Variants in DAPP1 observed in about 807,000 individuals in gnomAD.
DAPP1 encodes the protein dual adapter for phosphotyrosine and 3-phosphotyrosine and 3-phosphoinositide.
Under a neutral mutation model 41.5 loss-of-function variants are expected in DAPP1, and 20 were observed. The ratio of observed to expected loss-of-function variants is 0.48; its 90% CI spans 0.34 to 0.70. The LOEUF (loss-of-function observed/expected upper bound fraction) is 0.70, where lower values mean the gene tolerates loss of function less well. DAPP1 is among the 30% of genes least tolerant of loss of function. The probability of loss-of-function intolerance (pLI) is 0.01; values close to 1 mark genes in which losing one functional copy is unlikely to be tolerated. For synonymous variants in DAPP1, 113 were observed against 116.2 expected (o/e 0.97, Z 0.18); for missense variants, 233 against 333.4 (o/e 0.70, Z 2.35).
intron 6 of DAPP1, 146 bp from the exon 7 acceptor site, chr4:99,863,624 C>G: frequency 1.6e-6 from 1 of 628,788 alleles, no homozygotes; most frequent in Non-Finnish European, 2.7e-6. Flanking sequence ...CTTGGTAGGG[C>G]TTTTCTATTG....
At chr4:99,832,507 G>T (rs1055281436) in intron 1 of DAPP1, among the ~76,000 whole-genome samples, 6 of 152,168 alleles carry the variant, frequency 3.9e-5, no homozygotes, top group Non-Finnish European at 8.8e-5. Context: ...GTAGGTGGCT[G>T]CCTGGAAAGC....
intron 8 of DAPP1, among the ~76,000 whole-genome samples, chr4:99,866,884 C>G (rs1724482531): frequency 6.8e-6 from 1 of 146,898 alleles, no homozygotes; most frequent in Non-Finnish European, 1.5e-5. Flanking sequence ...ACTTTCATGT[C>G]TCAGCCTCCC....
chr4:99,822,192 A>G (rs1722795638), intron 1 of DAPP1, among the ~76,000 whole-genome samples: 1 of 152,170 alleles, frequency 6.6e-6, no homozygotes, highest in South Asian at 2.1e-4. Flanking sequence ...ACTTCCTTCT[A>G]CTTACAAGTG....
intron 2 of DAPP1, among the ~76,000 whole-genome samples, chr4:99,838,264 T>C (rs1723370183): frequency 6.6e-6 from 1 of 152,200 alleles, no homozygotes; most frequent in South Asian, 2.1e-4. Flanking sequence ...TTATTGATTT[T>C]CATTGCAAGC....
Position 99,869,421 on chromosome 4 carries a change from G to C in DAPP1, c.*1236G>C, listed in dbSNP as rs1049414326. ...AGATAAAAATGCTTGAAGAGCCTGAGAGTAAAAAGATTATGCTGCAAAGCT... is the reference window on the plus strand; with the variant it reads ...AGATAAAAATGCTTGAAGAGCCTGACAGTAAAAAGATTATGCTGCAAAGCT... On this transcript the variant is annotated 3_prime_UTR_variant, in exon 9 of 9. Coordinates refer to ENST00000512369, the MANE Select transcript of DAPP1 (RefSeq NM_014395.3). The C allele has an allele frequency of 1.3e-5, 2 of 152,136 alleles. No individual in the cohort carries two copies. The highest frequency in any genetic ancestry group is 4.8e-5 in the African/African-American group (2 of 41,416). The allele number at this position is 152,136 out of a possible 1,614,324, so 9.4% of individuals were successfully genotyped here.
intron 1 of DAPP1, among the ~76,000 whole-genome samples, chr4:99,820,412 A>T (rs1473750057): frequency 9.6e-6 from 1 of 103,798 alleles, no homozygotes; most frequent in Non-Finnish European, 2.0e-5. Flanking sequence ...ACACAAAAGA[A>T]ATAACAAAAT....
At chr4:99,860,834 C>G (rs1025054459) in intron 4 of DAPP1, among the ~76,000 whole-genome samples, 1 of 152,308 alleles carries the variant, frequency 6.6e-6, no homozygotes, top group East Asian at 1.9e-4. Flanking sequence ...TGATAAATTT[C>G]TTGATGTTAA....
chr4:99,835,767 C>A (rs147874376), intron 2 of DAPP1, 22 bp downstream of exon 2: 2 of 1,610,334 alleles, frequency 1.2e-6, no homozygotes, highest in Non-Finnish European at 1.7e-6. Flanking sequence ...CAGGGCTCTA[C>A]GACTTCAGCA....
intron 3 of DAPP1, among the ~76,000 whole-genome samples, chr4:99,845,704 C>A (rs1333230010): frequency 6.6e-6 from 1 of 152,062 alleles, no homozygotes; most frequent in Non-Finnish European, 1.5e-5. Context: ...TTGTTATTCC[C>A]ATTTTATTTA....
At chr4:99,827,400 G>T (rs944351581) in intron 1 of DAPP1, among the ~76,000 whole-genome samples, 6 of 151,928 alleles carry the variant, frequency 3.9e-5, no homozygotes, top group Non-Finnish European at 7.4e-5. Context: ...AGGTGTGGTG[G>T]TGGGCACTTG....
At chr4:99,821,438 G>A (rs939181776) in intron 1 of DAPP1, among the ~76,000 whole-genome samples, 3 of 152,194 alleles carry the variant, frequency 2.0e-5, no homozygotes, top group African/African-American at 7.2e-5. Flanking sequence ...ACTGGTCAAA[G>A]GTATGTATTC....
In DAPP1 at chr4:99,853,074, G is replaced by A. The variant is rs1035253702; in HGVS notation, c.359-144G>A. 40 of 897,770 alleles carry A rather than the reference G, an allele frequency of 4.5e-5. No individual in the cohort carries two copies. In the African/African-American group the frequency reaches 5.9e-4, roughly 13 times the overall value. The allele number at this position is 897,770 out of a possible 1,614,324, so 55.6% of individuals were successfully genotyped here. ...AGCTTAAGTGCCTTATACCTAATTG[G>A]TATTTGATAACTGTTGAGATAATGA... On this transcript the variant is annotated intron_variant, in intron 3 of 8. Transcript: ENST00000512369.
At position 99,861,593 on chromosome 4, in the gene DAPP1, G is replaced by A. The variant is rs1422617710; in HGVS notation, c.505G>A (p.Gly169Ser). The A allele has an allele frequency of 6.4e-7, 1 of 1,574,096 alleles. No individual in the cohort carries two copies. The highest frequency in any genetic ancestry group is 1.8e-5 in the Admixed American group (1 of 54,060). Reference sequence around the variant, plus strand: ...TCTTTTTCAGCTGGGCACCAAAGAAGGTTACCTCACCAAACAGGGAGGCCT... The same window carrying A: ...TCTTTTTCAGCTGGGCACCAAAGAAAGTTACCTCACCAAACAGGGAGGCCT... ...PTAPSLGTKE[G>S]YLTKQGGLVK... The change falls in exon 5 of 9, where the codon GGT becomes AGT. Residue 169 changes from glycine to serine, a missense_variant. By Grantham distance (56) the Gly-to-Ser change is moderately conservative (BLOSUM62 0). Transcript: ENST00000512369.
chr4:99,829,020 G>T (rs1042918385), intron 1 of DAPP1, among the ~76,000 whole-genome samples: 2 of 152,152 alleles, frequency 1.3e-5, no homozygotes, highest in Admixed American at 6.5e-5. Context: ...TTCAAAAAAT[G>T]AACCTATTCC....
At chr4:99,862,938 G>A in intron 5 of DAPP1, 72 bp from the exon 6 acceptor site, 1 of 1,088,782 alleles carries the variant, frequency 9.2e-7, no homozygotes, top group East Asian at 2.9e-5. Flanking sequence ...AAATCATCTG[G>A]TTCAAATATT....
At chr4:99,863,098 C>G in intron 6 of DAPP1, 26 bp downstream of exon 6, 1 of 1,477,792 alleles carries the variant, frequency 6.8e-7, no homozygotes, top group Non-Finnish European at 9.1e-7. Context: ...ATATATTTTT[C>G]CTTTAAAAAT....
chr4:99,863,969 C>G, intron 7 of DAPP1, 114 bp downstream of exon 7: 1 of 670,768 alleles, frequency 1.5e-6, no homozygotes. Flanking sequence ...ATATGAGGGG[C>G]ATGCCTGCAT....
intron 3 of DAPP1, among the ~76,000 whole-genome samples, chr4:99,847,610 C>G (rs1460935218): frequency 6.6e-6 from 1 of 152,156 alleles, no homozygotes; most frequent in Non-Finnish European, 1.5e-5. Flanking sequence ...CCTGTGGTTA[C>G]TGGTCTTCCT....
intron 1 of DAPP1, among the ~76,000 whole-genome samples, chr4:99,830,497 C>T (rs560066800): frequency 3.3e-5 from 5 of 152,200 alleles, no homozygotes; most frequent in African/African-American, 1.2e-4. Flanking sequence ...GCTCTATAAA[C>T]ATCAGACAAG....
Sources: gnomAD v4.1 joint callset for allele counts (sites outside exome capture counted in the v4.1 genomes callset) on GRCh38, gnomAD v4.1.1 for gene constraint, MANE v1.5 for transcripts, NCBI Gene and HGNC (gene_info 2026-07-23, HGNC 2026-07-21) for gene names.